Variants in CHODL observed in about 807,000 individuals in gnomAD.
CHODL encodes the protein chondrolectin.
In CHODL, 29 loss-of-function variants were observed where a neutral mutation model predicts 34.5. That is an observed-to-expected ratio of 0.84 (90% CI 0.63 to 1.15). CHODL has a LOEUF of 1.15. Ranked by LOEUF, CHODL falls within the 50% of genes most tolerant of loss-of-function variation. CHODL has a pLI of 0.00. For synonymous variants in CHODL, 125 were observed against 116.1 expected, an observed-to-expected ratio of 1.08 and a Z score of -0.49; for missense variants, 332 against 332.5, an observed-to-expected ratio of 1.00 and a Z score of 0.01.
intron 2 of CHODL, among the ~76,000 whole-genome samples, chr21:18,228,706 T>C (rs1417312560): frequency 4.6e-5 from 7 of 152,188 alleles, no homozygotes; most frequent in African/African-American, 4.8e-5. Context: ...TTTAGATTGA[T>C]TGATTTATCA....
intron 1 of CHODL, among the ~76,000 whole-genome samples, chr21:17,949,204 C>G (rs536142973): frequency 6.6e-6 from 1 of 152,230 alleles, no homozygotes; most frequent in South Asian, 2.1e-4. Context: ...GAAATGGATT[C>G]CCAGCTCTCA....
intron 2 of CHODL, among the ~76,000 whole-genome samples, chr21:18,066,376 G>T (rs1378293517): frequency 6.6e-6 from 1 of 151,734 alleles, no homozygotes; most frequent in Non-Finnish European, 1.5e-5. Context: ...AATGTCTCAT[G>T]ATTGTTTAAT....
intron 2 of CHODL, among the ~76,000 whole-genome samples, chr21:18,113,969 A>T (rs1054111925): frequency 1.3e-5 from 2 of 152,252 alleles, no homozygotes; most frequent in African/African-American, 4.8e-5. Context: ...CATGAAAAGA[A>T]TGAGATCCAG....
intron 1 of CHODL, among the ~76,000 whole-genome samples, chr21:18,252,597 T>G (rs2074271144): frequency 6.6e-6 from 1 of 152,094 alleles, no homozygotes; most frequent in African/African-American, 2.4e-5. Flanking sequence ...CACGATAAGG[T>G]GGAAGTCAGT....
intron 1 of CHODL, among the ~76,000 whole-genome samples, chr21:17,983,158 T>G (rs1427189826): frequency 6.6e-6 from 1 of 152,234 alleles, no homozygotes; most frequent in Non-Finnish European, 1.5e-5. Context: ...TAATCTGCTT[T>G]ATTTCTAACC....
intron 2 of CHODL, among the ~76,000 whole-genome samples, chr21:18,120,474 A>C (rs1264074400): frequency 1.3e-5 from 2 of 152,116 alleles, no homozygotes; most frequent in Non-Finnish European, 2.9e-5. Flanking sequence ...TGTGAGCTGA[A>C]ATTCACAGTT....
At chr21:18,111,357 C>T (rs1250393821) in intron 2 of CHODL, among the ~76,000 whole-genome samples, 1 of 152,104 alleles carries the variant, frequency 6.6e-6, no homozygotes, top group Non-Finnish European at 1.5e-5. Context: ...AGAGAAGTTA[C>T]ATATATTATT....
intron 1 of CHODL, among the ~76,000 whole-genome samples, chr21:18,027,244 A>C (rs187845509): frequency 2.4e-4 from 37 of 152,340 alleles, no homozygotes; most frequent in African/African-American, 8.7e-4. Context: ...ACTGTACGCC[A>C]GCCTCTGTGA....
chr21:18,173,987 T>C (rs959541023), intron 2 of CHODL, among the ~76,000 whole-genome samples: 7 of 149,506 alleles, frequency 4.7e-5, no homozygotes, highest in African/African-American at 9.8e-5. Flanking sequence ...TAAAAACGAG[T>C]TTCTAAAATG....
intron 3 of CHODL, among the ~76,000 whole-genome samples, chr21:18,259,381 A>AG (rs558795749): frequency 6.6e-6 from 1 of 152,206 alleles, no homozygotes; most frequent in East Asian, 1.9e-4. Flanking sequence ...GTGTAGCAAG[A>AG]GAAAAAAAAG....
intron 2 of CHODL, among the ~76,000 whole-genome samples, chr21:18,099,429 T>A (rs2065183969): frequency 6.6e-6 from 1 of 151,384 alleles, no homozygotes; most frequent in Non-Finnish European, 1.5e-5. Context: ...ACAATATAAA[T>A]CTTGTAACTA....
At chr21:17,926,628 A>G (rs1416196732) in intron 1 of CHODL, among the ~76,000 whole-genome samples, 1 of 152,100 alleles carries the variant, frequency 6.6e-6, no homozygotes, top group Non-Finnish European at 1.5e-5. Context: ...AGATCTTGTG[A>G]TACTCACTCA....
In CHODL at chr21:18,245,010, C is replaced by T; in HGVS notation, c.-214C>T. On this transcript the variant is annotated 5_prime_UTR_variant, in exon 1 of 6. Coordinates refer to ENST00000299295, the MANE Select transcript of CHODL (RefSeq NM_024944.3). ...AAACGCGCACCCTCGAAGTCTTGAA[C>T]TCCAGCCCCGCACATCCACGCGCGG... is the stretch of plus-strand genomic sequence containing the variant. 2.1e-6 allele frequency: 1 copy of T among 472,550 alleles called. No homozygotes were observed. The highest frequency in any genetic ancestry group is 3.7e-6 in the Non-Finnish European group (1 of 271,174). 29.3% of individuals were successfully genotyped at this position (472,550 alleles called of 1,614,324 possible). A position where few individuals can be genotyped will look rare whatever the true frequency, so the allele number is the denominator to read the frequency against.
chr21:18,244,847 C>T lies in CHODL; in HGVS notation c.-377C>T, dbSNP rs1020164949. The T allele has an allele frequency of 4.8e-6, 1 of 208,978 alleles. No homozygotes were observed. Among genetic ancestry groups the T allele is most frequent in the Non-Finnish European group, 9.4e-6 (1 of 105,964 alleles). 12.9% of individuals were successfully genotyped at this position (208,978 alleles called of 1,614,324 possible). ...GCAGAGCGGCTGCTGCTGCTGTGAT[C>T]CAGGACCAGGGCGCACCGGCTCAGC... On this transcript the variant is annotated 5_prime_UTR_variant, in exon 1 of 6. Coordinates refer to ENST00000299295, the MANE Select transcript of CHODL (RefSeq NM_024944.3).
At chr21:18,130,080 A>G (rs2072636891) in intron 2 of CHODL, among the ~76,000 whole-genome samples, 1 of 151,960 alleles carries the variant, frequency 6.6e-6, no homozygotes. Context: ...GTTGATATCT[A>G]TGTCTTAATC....
chr21:18,219,952 A>G (rs988299490), intron 2 of CHODL, among the ~76,000 whole-genome samples: 4 of 151,958 alleles, frequency 2.6e-5, no homozygotes, highest in Non-Finnish European at 5.9e-5. Context: ...CCATTTGTCT[A>G]TTTTTACTTT....
rs144913225 is a variant in CHODL, at chr21:18,216,834, G to A, written c.-44-39675G>A. On this transcript the variant is annotated intron_variant, in intron 2 of 6. Coordinates refer to the CHODL transcript ENST00000400127. ...GACACTTATCACACAACCAGATCTC[G>A]TGAGAACTCCCTTAATATCATAAGA... Among the ~76,000 whole-genome samples the A allele has an allele frequency of 1.7e-3, 256 of 152,210 alleles. 1 individual carries two copies. Among genetic ancestry groups the A allele is most frequent in the African/African-American group, 5.8e-3 (241 of 41,536 alleles).
chr21:18,188,226 A>G (rs1328258148), intron 2 of CHODL, among the ~76,000 whole-genome samples: 1 of 152,052 alleles, frequency 6.6e-6, no homozygotes, highest in Non-Finnish European at 1.5e-5. Context: ...TTTCATCCCA[A>G]AAGTTACTGT....
chr21:18,090,111 T>G (rs2065054024), intron 2 of CHODL, among the ~76,000 whole-genome samples: 1 of 152,218 alleles, frequency 6.6e-6, no homozygotes, highest in Admixed American at 6.5e-5. Flanking sequence ...TAATTACAAC[T>G]CTTGTATGCT....
Sources: allele counts gnomAD v4.1 joint callset (sites outside exome capture counted in the v4.1 genomes callset), GRCh38; gene constraint gnomAD v4.1.1; transcripts MANE v1.5; gene names NCBI Gene and HGNC (gene_info 2026-07-23, HGNC 2026-07-21).